LMBR1: variants seen among roughly 807,000 people sequenced by gnomAD.
The protein encoded by LMBR1 is limb region 1 protein homolog.
A neutral mutation model predicts 73.9 loss-of-function variants in LMBR1; 52 were observed. That is an observed-to-expected ratio of 0.70 (90% CI 0.56 to 0.89). The LOEUF is 0.89. Ranked by LOEUF, LMBR1 falls within the 40% of genes least tolerant of loss-of-function variation. The probability of loss-of-function intolerance (pLI) is 0.00; values close to 1 mark genes in which losing one functional copy is unlikely to be tolerated. For missense variants in LMBR1, 539 were observed against 579.8 expected (o/e 0.93, Z 0.72); for synonymous variants, 215 against 209.4 (o/e 1.03, Z -0.23).
chr7:156,675,602 A>T, downstream of LMBR1: 1 of 973,846 alleles, frequency 1.0e-6, no homozygotes, highest in Admixed American at 2.0e-5. Context: ...GAGACGAGGA[A>T]GGTTACCAAA....
Position 156,694,210 on chromosome 7 carries a change from G to C in LMBR1, c.1226-6019C>G, listed in dbSNP as rs116086134. Among the ~76,000 whole-genome samples, 995 of 152,108 alleles carry C rather than the reference G, an allele frequency of 6.5e-3. 10 individuals carry two copies. The highest frequency in any genetic ancestry group is 0.022 in the African/African-American group (896 of 41,502). On this transcript the variant is annotated intron_variant, in intron 15 of 16. Transcript: ENST00000353442. ...GAATCTCACTCTGTCACCCAGGCTA[G>C]AGTGCAGAGCCTCAGCCTCCTGGCA...
At chr7:156,732,167 G>C (rs570866456) in intron 10 of LMBR1, among the ~76,000 whole-genome samples, 22 of 152,170 alleles carry the variant, frequency 1.4e-4, no homozygotes, top group African/African-American at 5.3e-4. Context: ...GTGTCATCCA[G>C]CTTGAAACAA....
intron 10 of LMBR1, among the ~76,000 whole-genome samples, chr7:156,729,834 CT>C (rs1391173311): frequency 6.6e-6 from 1 of 152,188 alleles, no homozygotes; most frequent in African/African-American, 2.4e-5. Flanking sequence ...CAAACTTCTA[CT>C]TTTACCTATA....
At chr7:156,708,731 C>G (rs895232055) in intron 15 of LMBR1, among the ~76,000 whole-genome samples, 3 of 152,190 alleles carry the variant, frequency 2.0e-5, no homozygotes, top group Admixed American at 2.0e-4. Context: ...ACAGAAGCCA[C>G]CACGGACAGT....
At chr7:156,840,803 C>CA (rs34096863) in intron 1 of LMBR1, among the ~76,000 whole-genome samples, 25 of 144,394 alleles carry the variant, frequency 1.7e-4, no homozygotes, top group Admixed American at 3.5e-4. Context: ...ACTAAAAATA[C>CA]AAAAAAAAAA....
intron 12 of LMBR1, among the ~76,000 whole-genome samples, chr7:156,727,326 T>C (rs893506166): frequency 6.6e-6 from 1 of 152,152 alleles, no homozygotes; most frequent in Non-Finnish European, 1.5e-5. Flanking sequence ...GGGGGATGGG[T>C]ACAAAAATAT....
intron 4 of LMBR1, among the ~76,000 whole-genome samples, chr7:156,816,653 A>G (rs1213968117): frequency 6.6e-6 from 1 of 152,226 alleles, no homozygotes; most frequent in Middle Eastern, 3.2e-3. Flanking sequence ...ACGCTAATCT[A>G]ATACAATTTG....
At chr7:156,878,442 C>T (rs1800550558) in intron 1 of LMBR1, among the ~76,000 whole-genome samples, 1 of 152,100 alleles carries the variant, frequency 6.6e-6, no homozygotes, top group Non-Finnish European at 1.5e-5. Context: ...GAACTCAACC[C>T]CTTTTACAAC....
chr7:156,708,610 T>C (rs1811462517), intron 15 of LMBR1, among the ~76,000 whole-genome samples: 1 of 145,674 alleles, frequency 6.9e-6, no homozygotes, highest in East Asian at 2.0e-4. Flanking sequence ...AACTGAAATT[T>C]GTAATAACTT....
intron 9 of LMBR1, among the ~76,000 whole-genome samples, chr7:156,738,239 A>G (rs530416592): frequency 6.6e-6 from 1 of 152,296 alleles, no homozygotes; most frequent in South Asian, 2.1e-4. Context: ...AGCAGACAGT[A>G]AAGCTGTGCT....
chr7:156,676,361 A>G, downstream of LMBR1: 1 of 1,613,740 alleles, frequency 6.2e-7, no homozygotes, highest in East Asian at 2.2e-5. Flanking sequence ...CAGTTTAAGT[A>G]ACTTTCTGCT....
intron 4 of LMBR1, among the ~76,000 whole-genome samples, chr7:156,797,062 T>C (rs773796920): frequency 5.3e-5 from 8 of 152,212 alleles, no homozygotes; most frequent in Admixed American, 3.3e-4. Context: ...GCTATGCAAC[T>C]TGCCACAGCT....
intron 4 of LMBR1, among the ~76,000 whole-genome samples, chr7:156,807,485 T>A (rs1157947166): frequency 6.6e-6 from 1 of 152,246 alleles, no homozygotes. Context: ...GTTCATAATA[T>A]GCAATTATTA....
At chr7:156,892,564 T>A (rs1359421060) in intron 1 of LMBR1, 1 of 180,060 alleles carries the variant, frequency 5.6e-6, no homozygotes, top group Non-Finnish European at 1.2e-5. Context: ...AGGAAGCCCC[T>A]GGGGTCCCAG....
intron 3 of LMBR1, among the ~76,000 whole-genome samples, chr7:156,831,838 G>A (rs529293120): frequency 3.9e-5 from 6 of 152,256 alleles, no homozygotes; most frequent in Admixed American, 2.6e-4. Flanking sequence ...CACTGAAGTC[G>A]ATTTACCACC....
Position 156,836,721 on chromosome 7 carries a change from T to C in LMBR1, c.139+92A>G, listed in dbSNP as rs181802829. The C allele has an allele frequency of 1.0e-5, 8 of 766,932 alleles. No individual in the cohort carries two copies. The Admixed American group carries it at 2.0e-4, about 19-fold the overall frequency. 47.5% of individuals were successfully genotyped at this position (766,932 alleles called of 1,614,324 possible). On this transcript the variant is annotated intron_variant, in intron 2 of 16. Coordinates refer to ENST00000353442, the MANE Select transcript of LMBR1 (RefSeq NM_022458.4). ...TCAATCACCGGCATATTCAATACAC[T>C]ATGACACTGAAGTGTACTAATATAT...
intron 1 of LMBR1, among the ~76,000 whole-genome samples, chr7:156,846,578 AG>A (rs1288757467): frequency 1.3e-5 from 2 of 152,196 alleles, no homozygotes; most frequent in Non-Finnish European, 2.9e-5. Context: ...GTTCATGTAT[AG>A]GAAGACTCAA....
chr7:156,745,916 T>A (rs192849280), intron 9 of LMBR1, among the ~76,000 whole-genome samples: 73 of 152,336 alleles, frequency 4.8e-4, no homozygotes, highest in African/African-American at 1.6e-3. Context: ...ATTGATATAT[T>A]TATGAGAGGA....
intron 1 of LMBR1, among the ~76,000 whole-genome samples, chr7:156,844,760 G>A (rs1201278353): frequency 6.6e-6 from 1 of 152,124 alleles, no homozygotes; most frequent in Non-Finnish European, 1.5e-5. Context: ...ATGTCCTACT[G>A]TGCTAGCTAG....
Sources: allele counts gnomAD v4.1 joint callset (sites outside exome capture counted in the v4.1 genomes callset), GRCh38; gene constraint gnomAD v4.1.1; transcripts MANE v1.5; gene names NCBI Gene and HGNC (gene_info 2026-07-23, HGNC 2026-07-21).